The following SLC25A53 variants were observed in gnomAD, a reference collection of about 807,000 sequenced individuals.
The protein encoded by SLC25A53 is mitochondrial carrier triple repeat protein 6.
Under a neutral mutation model 15.0 loss-of-function variants are expected in SLC25A53, and 5 were observed. That is an observed-to-expected ratio of 0.33 (90% CI 0.17 to 0.70). The LOEUF is 0.70. SLC25A53 is among the 30% of genes least tolerant of loss of function. The pLI, the probability that SLC25A53 is intolerant of heterozygous loss-of-function variation, is 0.67. For synonymous variants in SLC25A53, 95 were observed against 100.0 expected, an observed-to-expected ratio of 0.95 and a Z score of 0.30; for missense variants, 216 against 241.6, an observed-to-expected ratio of 0.89 and a Z score of 0.70.
rs782383192 is a variant in SLC25A53, at chrX:104,138,993, T to C, written c.-32+17885A>G. ...GGCAGGCCAGGGTGGTCTTGGGAAA[T>C]GCAACATTTGGGCAGGAAAACAAAA... On this transcript the variant is annotated intron_variant, in intron 1 of 1. Coordinates refer to ENST00000594199, the MANE Select transcript of SLC25A53 (RefSeq NM_001012755.5). Among the ~76,000 whole-genome samples the C allele has an allele frequency of 3.6e-5, 4 of 112,108 alleles. No homozygotes were observed. The East Asian group carries it at 1.1e-3, about 32-fold the overall frequency.
At chrX:104,114,742 GAGTTAATCA>G (rs782764132) in intron 1 of SLC25A53, 2 of 1,210,205 alleles carry the variant, frequency 1.7e-6, no homozygotes, top group African/African-American at 3.5e-5. Context: ...CAATTTCCTG[GAGTTAATCA>G]AGATGATAAG....
At chrX:104,147,297 T>C (rs1232270304) in intron 1 of SLC25A53, among the ~76,000 whole-genome samples, 31 of 110,721 alleles carry the variant, frequency 2.8e-4, no homozygotes, top group African/African-American at 9.9e-4. Context: ...TATACAAAAA[T>C]TAATTCAAGA....
intron 1 of SLC25A53, among the ~76,000 whole-genome samples, chrX:104,150,956 A>ATTTCG (rs2075483129): frequency 9.0e-6 from 1 of 111,370 alleles, no homozygotes; most frequent in Non-Finnish European, 1.9e-5. Flanking sequence ...CTCGCATAAG[A>ATTTCG]AAACTCGTTC....
chrX:104,152,594 C>T (rs373072768), intron 1 of SLC25A53, among the ~76,000 whole-genome samples: 105 of 111,075 alleles, frequency 9.5e-4, no homozygotes, highest in African/African-American at 3.3e-3. Flanking sequence ...CCTGCCACCA[C>T]GTCCAGCTAA....
chrX:104,138,227 G>A (rs1365145443), intron 1 of SLC25A53, among the ~76,000 whole-genome samples: 1 of 109,929 alleles, frequency 9.1e-6, no homozygotes, highest in Non-Finnish European at 1.9e-5. Context: ...TGAGTAACAG[G>A]GAGACGGCGT....
At chrX:104,146,146 G>A (rs1439226035) in intron 1 of SLC25A53, among the ~76,000 whole-genome samples, 1 of 111,747 alleles carries the variant, frequency 8.9e-6, no homozygotes, top group African/African-American at 3.3e-5. Flanking sequence ...TGCAAGGCTG[G>A]TTCACCATAT....
At chrX:104,116,243 G>A (rs1162707709) in intron 1 of SLC25A53, among the ~76,000 whole-genome samples, 1 of 111,278 alleles carries the variant, frequency 9.0e-6, no homozygotes, top group East Asian at 2.8e-4. Context: ...GATGACATGT[G>A]ACCTCTATCC....
At chrX:104,141,318 C>T (rs1343471883) in intron 1 of SLC25A53, among the ~76,000 whole-genome samples, 1 of 111,224 alleles carries the variant, frequency 9.0e-6, no homozygotes, top group Admixed American at 9.6e-5. Context: ...ACTGGATATG[C>T]GCCTGGAAAA....
chrX:104,141,804 T>C (rs1556367601), intron 1 of SLC25A53, among the ~76,000 whole-genome samples: 2 of 111,040 alleles, frequency 1.8e-5, no homozygotes, highest in African/African-American at 3.3e-5. Context: ...CCCAGGCTGG[T>C]CTCCAACTAC....
chrX:104,141,456 T>C (rs978241098), intron 1 of SLC25A53, among the ~76,000 whole-genome samples: 4 of 112,311 alleles, frequency 3.6e-5, no homozygotes, highest in Admixed American at 9.4e-5. Context: ...GACATTCACA[T>C]GAATTTTTAC....
At position 104,100,356 on chromosome X, in the gene SLC25A53, AT is replaced by A. The variant is rs1219899259; in HGVS notation, c.*3977del. 2.7e-5 allele frequency: 3 copies of A among 111,455 alleles called. No individual in the cohort carries two copies. The highest frequency in any genetic ancestry group is 5.7e-5 in the Non-Finnish European group (3 of 53,038). The allele number at this position is 111,455 out of a possible 1,213,427, so 9.2% of individuals were successfully genotyped here. A position where few individuals can be genotyped will look rare whatever the true frequency, so the allele number is the denominator to read the frequency against. ...AAGTAATTTTAGTGTTAAATTGTAT[AT>A]TTTATGTGTTTAAACAGATATAGAT... On this transcript the variant is annotated 3_prime_UTR_variant, in exon 2 of 2. Coordinates refer to ENST00000594199, the MANE Select transcript of SLC25A53 (RefSeq NM_001012755.5).
At chrX:104,119,953 T>C (rs193252101) in intron 1 of SLC25A53, among the ~76,000 whole-genome samples, 1 of 111,701 alleles carries the variant, frequency 9.0e-6, no homozygotes, top group Non-Finnish European at 1.9e-5. Flanking sequence ...TTTCTGGAGC[T>C]TTATGTAAAT....
rs782168295 is a variant in SLC25A53, at chrX:104,100,014, T to C, written c.*4320A>G. On this transcript the variant is annotated 3_prime_UTR_variant, in exon 2 of 2. Coordinates refer to ENST00000594199, the MANE Select transcript of SLC25A53 (RefSeq NM_001012755.5). ...AGACTAGAGAAATACAATATTTTTA[T>C]CTTTTCTGAAAGCTTTTTATATTGT... The C allele has an allele frequency of 1.1e-4, 12 of 112,274 alleles. No homozygotes were observed. The highest frequency in any genetic ancestry group is 3.9e-4 in the African/African-American group (12 of 30,938). The allele number at this position is 112,274 out of a possible 1,213,427, so 9.3% of individuals were successfully genotyped here.
In SLC25A53 at chrX:104,103,149, AAAAG is replaced by A. The variant is rs2075289165; in HGVS notation, c.*1181_*1184del. 1 of 109,739 alleles carries A rather than the reference AAAAG, an allele frequency of 9.1e-6. No homozygotes were observed. Among genetic ancestry groups the A allele is most frequent in the African/African-American group, 3.3e-5 (1 of 29,899 alleles). 9.0% of individuals were successfully genotyped at this position (109,739 alleles called of 1,213,427 possible). On this transcript the variant is annotated 3_prime_UTR_variant, in exon 2 of 2. Transcript: ENST00000594199. ...GCGAAACTCCGTCTCAAAAAAAAAA[AAAAG>A]AAAGGGGCATCACAGAGACTAATGT...
chrX:104,111,610 C>T (rs1335760657), intron 1 of SLC25A53, among the ~76,000 whole-genome samples: 2 of 111,369 alleles, frequency 1.8e-5, no homozygotes, highest in African/African-American at 6.5e-5. Context: ...TTCCCTCAGC[C>T]CTCTCCCCAC....
In SLC25A53 at chrX:104,115,427, A is replaced by C. The variant is rs2075373282; in HGVS notation, c.-31-10139T>G. The C allele has an allele frequency of 1.1e-5, 9 of 823,080 alleles. No individual in the cohort carries two copies. In the South Asian group the frequency reaches 2.2e-4, roughly 20 times the overall value. 67.8% of individuals were successfully genotyped at this position (823,080 alleles called of 1,213,427 possible). A position where few individuals can be genotyped will look rare whatever the true frequency, so the allele number is the denominator to read the frequency against. On this transcript the variant is annotated intron_variant, in intron 1 of 1. Coordinates refer to ENST00000594199, the MANE Select transcript of SLC25A53 (RefSeq NM_001012755.5). The stretch of plus-strand genomic sequence containing the variant: ...TTCTAACTGCATGAATTAATCCACA[A>C]AGCAGTTTTCCTTTGGGAAGGAGAA...
Position 104,110,747 on chromosome X carries a change from A to T in SLC25A53, c.-31-5459T>A, listed in dbSNP as rs1312000806. On this transcript the variant is annotated intron_variant, in intron 1 of 1. Coordinates refer to ENST00000594199, the MANE Select transcript of SLC25A53 (RefSeq NM_001012755.5). Reference sequence around the variant, plus strand: ...ATGGAGTTGCTCCTTCTCTGGGGCCAGTGATGCCAAATCCAGCAAAGGAGA... The same window carrying T: ...ATGGAGTTGCTCCTTCTCTGGGGCCTGTGATGCCAAATCCAGCAAAGGAGA... 5.4e-4 allele frequency among the ~76,000 whole-genome samples: 61 copies of T among 112,208 alleles called. 1 individual carries two copies. The highest frequency in any genetic ancestry group is 1.9e-3 in the African/African-American group (59 of 30,798).
intron 1 of SLC25A53, among the ~76,000 whole-genome samples, chrX:104,109,264 T>C (rs1273513664): frequency 9.0e-6 from 1 of 111,679 alleles, no homozygotes; most frequent in African/African-American, 3.3e-5. Context: ...ATTTGTCTTC[T>C]CCGCTGCATT....
At chrX:104,121,372 G>A (rs1556362682) in intron 1 of SLC25A53, among the ~76,000 whole-genome samples, 1 of 111,882 alleles carries the variant, frequency 8.9e-6, no homozygotes, top group Non-Finnish European at 1.9e-5. Flanking sequence ...TAAACCCACT[G>A]AGAAAAGCAT....
Sources: allele counts gnomAD v4.1 joint callset (sites outside exome capture counted in the v4.1 genomes callset), GRCh38; gene constraint gnomAD v4.1.1; transcripts MANE v1.5; gene names NCBI Gene and HGNC (gene_info 2026-07-23, HGNC 2026-07-21).